The following CARD8 variants were observed in gnomAD, a reference collection of about 807,000 sequenced individuals.
The protein encoded by CARD8 is caspase recruitment domain family member 8.
In CARD8, 38 loss-of-function variants were observed where a neutral mutation model predicts 53.2. The observed-to-expected ratio is 0.71, with a 90% confidence interval of 0.55 to 0.94. The LOEUF (loss-of-function observed/expected upper bound fraction) is 0.94. CARD8 is among the 40% of genes least tolerant of loss of function. CARD8 has a pLI of 0.00. For missense variants in CARD8, 561 were observed against 655.5 expected (o/e 0.86, Z 1.57); for synonymous variants, 245 against 244.9 (o/e 1.00, Z 0.00).
chr19:48,242,129 A>C (rs563677894), intron 3 of CARD8, among the ~76,000 whole-genome samples: 1 of 152,302 alleles, frequency 6.6e-6, no homozygotes, highest in Admixed American at 6.5e-5. Flanking sequence ...TCATGTGTTG[A>C]AATCCTAACT....
rs773013470 is a variant in CARD8, at chr19:48,234,477, A to G, written c.276T>C (p.Asp92=). ...ATAATGGCTCTGCCTCTGTCTCATC[A>G]TCTTCTTGGAAAAAATGTGAGATGT... The part of the protein sequence containing the change: ...LCDISHFFQE[D]DETEAEPLLF... The change falls in exon 6 of 14, where the codon GAT becomes GAC. Residue 92 remains aspartate (D), a synonymous_variant. Transcript: ENST00000651546. 6.2e-7 allele frequency: 1 copy of G among 1,613,944 alleles called. No homozygotes were observed. Among genetic ancestry groups the G allele is most frequent in the South Asian group, 1.1e-5 (1 of 91,064 alleles).
rs189057586 is a variant in CARD8, at chr19:48,238,442, T to A, written c.150A>T (p.Glu50Asp). Reference sequence around the variant, plus strand: ...AAATTCCAGTTTTTGTGTATTGCAGTTCCCGTATGCTATTGTCAACCAACA... The same window carrying A: ...AAATTCCAGTTTTTGTGTATTGCAGATCCCGTATGCTATTGTCAACCAACA... ...RKLLVDNSIR[E>D]LQYTKTGIFF... is the part of the protein sequence containing the mutation. Residue 50 changes from glutamate to aspartate, a missense_variant, in exon 5 of 14, where the codon GAA becomes GAT. Physicochemically the swap from Glu to Asp is conservative, Grantham distance 45 (BLOSUM62 2). Coordinates refer to ENST00000651546, the MANE Select transcript of CARD8 (RefSeq NM_001184900.3). The A allele has an allele frequency of 9.1e-6, 14 of 1,536,102 alleles. No homozygotes were observed. The highest frequency in any genetic ancestry group is 1.1e-5 in the Non-Finnish European group (13 of 1,146,920).
intron 1 of CARD8, among the ~76,000 whole-genome samples, chr19:48,252,398 A>G (rs1357847983): frequency 6.6e-6 from 1 of 151,974 alleles, no homozygotes; most frequent in Non-Finnish European, 1.5e-5. Flanking sequence ...AAACGTATGT[A>G]TATGTTTTGT....
chr19:48,204,159 G>A (rs896503119), downstream of CARD8: 6 of 455,416 alleles, frequency 1.3e-5, no homozygotes, highest in Admixed American at 1.2e-4. Flanking sequence ...GGAGGCGGAC[G>A]CGGGAAACCT....
intron 5 of CARD8, among the ~76,000 whole-genome samples, chr19:48,237,247 G>A (rs2044061153): frequency 6.6e-6 from 1 of 151,916 alleles, no homozygotes; most frequent in South Asian, 2.1e-4. Flanking sequence ...AGGTGAAGTG[G>A]AACAGGCCTG....
At chr19:48,242,151 G>A (rs2045265494) in intron 3 of CARD8, among the ~76,000 whole-genome samples, 1 of 152,182 alleles carries the variant, frequency 6.6e-6, no homozygotes, top group Non-Finnish European at 1.5e-5. Context: ...CAAATGTGAT[G>A]ATAGGAGGAG....
chr19:48,243,959 T>C (rs541366256), intron 3 of CARD8, among the ~76,000 whole-genome samples: 42 of 152,212 alleles, frequency 2.8e-4, no homozygotes, highest in Non-Finnish European at 4.0e-4. Context: ...TGGTCTACAG[T>C]CTTCTTTTTT....
rs187338159 is a variant in CARD8, at chr19:48,235,761, A to G, written c.210-1218T>C. 1.4e-3 allele frequency among the ~76,000 whole-genome samples: 211 copies of G among 152,304 alleles called. 1 individual carries two copies. The highest frequency in any genetic ancestry group is 4.8e-3 in the African/African-American group (199 of 41,568). ...AACAGTGAACACTTCCATCAGCTGA[A>G]TATCTGTGAAAGCAATTGTTGAGAG... On this transcript the variant is annotated intron_variant, in intron 5 of 13. Transcript: ENST00000651546.
At chr19:48,232,714 G>A (rs1478016419) in intron 6 of CARD8, 8 of 669,006 alleles carry the variant, frequency 1.2e-5, no homozygotes, top group African/African-American at 7.1e-5. Flanking sequence ...TATCACTCAC[G>A]GCTATAACAC....
intron 10 of CARD8, among the ~76,000 whole-genome samples, chr19:48,228,454 C>CT (rs2042212434): frequency 1.3e-5 from 2 of 151,538 alleles, no homozygotes; most frequent in African/African-American, 4.8e-5. Flanking sequence ...TCCACTGAGA[C>CT]CCCAGGTAAG....
rs1370029255 is a variant in CARD8 at position 48,234,450 on chromosome 19, CAAT to C, written c.300_302del (p.Leu101del). 1.2e-6 allele frequency: 2 copies of C among 1,613,872 alleles called. No homozygotes were observed. The highest frequency in any genetic ancestry group is 2.2e-5 in the South Asian group (2 of 91,044). ...GTTGACACTCAGGAACAGCACGGAACAATAATGGCTCTGCCTCTGTCTCATCAT... is the reference window on the plus strand; with the variant it reads ...GTTGACACTCAGGAACAGCACGGAACAATGGCTCTGCCTCTGTCTCATCAT... On this transcript the variant is annotated inframe_deletion, in exon 6 of 14. Transcript: ENST00000651546.
chr19:48,234,683 A>C, intron 5 of CARD8, 140 bp from the exon 6 acceptor site: 3 of 654,344 alleles, frequency 4.6e-6, no homozygotes, highest in East Asian at 3.0e-5. Context: ...GGCCCCTACG[A>C]CTCCATCTCA....
intron 13 of CARD8, among the ~76,000 whole-genome samples, chr19:48,214,377 A>T (rs1002673945): frequency 6.6e-6 from 1 of 152,196 alleles, no homozygotes; most frequent in Non-Finnish European, 1.5e-5. Flanking sequence ...TGACAGAGAG[A>T]AAACACCTGA....
At chr19:48,207,734 G>GTTTTTTTTTTTT (rs758903014), downstream of CARD8, among the ~76,000 whole-genome samples, 168 of 116,468 alleles carry the variant, frequency 1.4e-3, 12 homozygotes, top group African/African-American at 5.7e-3. Context: ...TTGTTTTTCT[G>GTTTTTTTTTTTT]TTTTTTTTTT....
intron 4 of CARD8, among the ~76,000 whole-genome samples, chr19:48,238,837 CCTT>C (rs2044408944): frequency 6.6e-6 from 1 of 152,220 alleles, no homozygotes; most frequent in South Asian, 2.1e-4. Flanking sequence ...CTTAGAGACA[CCTT>C]CTTCGATGCC....
intron 10 of CARD8, among the ~76,000 whole-genome samples, chr19:48,225,383 C>T (rs1393719266): frequency 2.0e-5 from 3 of 152,076 alleles, no homozygotes; most frequent in African/African-American, 7.2e-5. Context: ...CTCAGCTACT[C>T]GGGACGCTGA....
At chr19:48,233,719 G>A in intron 6 of CARD8, 1 of 178,756 alleles carries the variant, frequency 5.6e-6, no homozygotes, top group Non-Finnish European at 1.2e-5. Flanking sequence ...CCATTTTCAG[G>A]GCTTTTGCAA....
chr19:48,207,092 C>T (rs916031462), downstream of CARD8, among the ~76,000 whole-genome samples: 3 of 144,980 alleles, frequency 2.1e-5, no homozygotes, highest in Admixed American at 2.2e-4. Flanking sequence ...CACTTGAACC[C>T]GGGAGGCGGA....
intron 3 of CARD8, among the ~76,000 whole-genome samples, chr19:48,241,278 T>C (rs1224394354): frequency 6.6e-6 from 1 of 152,034 alleles, no homozygotes; most frequent in Non-Finnish European, 1.5e-5. Context: ...TTTTTTTAGA[T>C]GGAGTCTAGC....
Sources: gnomAD v4.1 joint callset for allele counts (sites outside exome capture counted in the v4.1 genomes callset) on GRCh38, gnomAD v4.1.1 for gene constraint, MANE v1.5 for transcripts, NCBI Gene and HGNC (gene_info 2026-07-23, HGNC 2026-07-21) for gene names.